Variants in TBC1D31 observed in about 807,000 individuals in gnomAD.
TBC1D31 encodes the protein WD repeat domain 67.
TBC1D31 carries 99 observed loss-of-function variants against 132.9 expected under a neutral mutation model. The observed-to-expected ratio is 0.74, with a 90% CI of 0.63 to 0.88. The LOEUF (loss-of-function observed/expected upper bound fraction) is 0.88. Ranked by LOEUF, TBC1D31 falls within the 40% of genes least tolerant of loss-of-function variation. The probability of loss-of-function intolerance (pLI) is 0.00; values close to 1 mark genes in which losing one functional copy is unlikely to be tolerated. For synonymous variants in TBC1D31, 385 were observed against 419.4 expected (o/e 0.92, Z 1.00); for missense variants, 1,134 against 1,256.6 (o/e 0.90, Z 1.48).
At chr8:123,153,240 G>A (rs553221138), downstream of TBC1D31, among the ~76,000 whole-genome samples, 136 of 152,186 alleles carry the variant, frequency 8.9e-4, no homozygotes, top group South Asian at 0.019. Context: ...CCTGCTCACC[G>A]GAAAGCATTG....
At chr8:123,090,211 A>G (rs1373377088) in intron 4 of TBC1D31, among the ~76,000 whole-genome samples, 3 of 152,236 alleles carry the variant, frequency 2.0e-5, no homozygotes, top group Admixed American at 6.5e-5. Flanking sequence ...CCCATTTTAC[A>G]AGAAGGGAAA....
chr8:123,110,284 G>A (rs532107938), intron 10 of TBC1D31, among the ~76,000 whole-genome samples: 1 of 152,276 alleles, frequency 6.6e-6, no homozygotes, highest in East Asian at 1.9e-4. Flanking sequence ...AAAGTTAGAT[G>A]AGAATCTCTT....
chr8:123,123,183 A>G (rs1036351074), intron 11 of TBC1D31: 4 of 152,312 alleles, frequency 2.6e-5, no homozygotes, highest in African/African-American at 7.2e-5. Context: ...CAGGAGAAGC[A>G]TAAGAAGCAC....
chr8:123,128,557 G>A, intron 14 of TBC1D31, 44 bp downstream of exon 14: 1 of 1,370,614 alleles, frequency 7.3e-7, no homozygotes, highest in Non-Finnish European at 1.0e-6. Context: ...AATGAAATAT[G>A]TTATAAACAT....
Position 123,151,889 on chromosome 8 carries a change from A to T in TBC1D31, c.3151A>T (p.Thr1051Ser), listed in dbSNP as rs1193970366. The change falls in exon 22 of 22, where the codon ACT becomes TCT. Residue 1051 changes from threonine (T) to serine (S), a missense_variant. By Grantham distance (58) the Thr-to-Ser change is moderately conservative (BLOSUM62 1). Coordinates refer to ENST00000287380, the MANE Select transcript of TBC1D31 (RefSeq NM_145647.4). Reference protein sequence around the residue: ...KKVRNLRQRLTARARHRCQTP... With the variant: ...KKVRNLRQRLSARARHRCQTP... ...AGTGAGAAATCTTCGCCAGAGACTC[A>T]CTGCCCGGGCTCGTCACAGATGTCA... 1 of 1,592,336 alleles carries T rather than the reference A, an allele frequency of 6.3e-7. No individual in the cohort carries two copies.
chr8:123,077,975 G>A (rs2130629535), intron 2 of TBC1D31, among the ~76,000 whole-genome samples: 1 of 152,016 alleles, frequency 6.6e-6, no homozygotes, highest in South Asian at 2.1e-4. Context: ...TTGAACCCAG[G>A]AGGTGGAGGT....
At chr8:123,101,902 A>G (rs1170814814) in intron 7 of TBC1D31, among the ~76,000 whole-genome samples, 1 of 152,144 alleles carries the variant, frequency 6.6e-6, no homozygotes, top group Non-Finnish European at 1.5e-5. Flanking sequence ...ATCATTTCTT[A>G]ACTAGTGCTA....
Position 123,109,408 on chromosome 8 carries a change from A to G in TBC1D31, c.1289+12A>G. On this transcript the variant is annotated intron_variant, in intron 9 of 21. Coordinates refer to ENST00000287380, the MANE Select transcript of TBC1D31 (RefSeq NM_145647.4). ...CCAACAAAATACAGGTACAATTTAA[A>G]TTCTGTATGTTACATCAGTTTTACT... The G allele has an allele frequency of 6.2e-7, 1 of 1,608,342 alleles. No individual in the cohort carries two copies.
chr8:123,130,978 G>A (rs1336127045), intron 16 of TBC1D31, among the ~76,000 whole-genome samples: 3 of 151,982 alleles, frequency 2.0e-5, no homozygotes, highest in Admixed American at 2.0e-4. Flanking sequence ...TCTGTGGCCA[G>A]TATAAAAATA....
At chr8:123,111,903 G>A (rs1273478359) in intron 10 of TBC1D31, among the ~76,000 whole-genome samples, 1 of 152,056 alleles carries the variant, frequency 6.6e-6, no homozygotes, top group Non-Finnish European at 1.5e-5. Context: ...ACCCAGGCTG[G>A]AGTACAATGG....
At chr8:123,142,000 A>G (rs1821750760) in intron 18 of TBC1D31, among the ~76,000 whole-genome samples, 1 of 151,876 alleles carries the variant, frequency 6.6e-6, no homozygotes, top group Non-Finnish European at 1.5e-5. Context: ...AGCTGTGACT[A>G]CAGGCGCGCG....
At chr8:123,148,867 C>T (rs968489302) in intron 20 of TBC1D31, among the ~76,000 whole-genome samples, 13 of 152,018 alleles carry the variant, frequency 8.6e-5, no homozygotes, top group African/African-American at 3.1e-4. Flanking sequence ...ACCAACCTGG[C>T]CAACATGGTG....
At chr8:123,157,468 G>A in the TBC1D31 span, among the ~76,000 whole-genome samples, 1 of 152,126 alleles carries the variant, frequency 6.6e-6, no homozygotes, top group East Asian at 1.9e-4. Context: ...AAACACTGTG[G>A]CTGGCTTGTC....
At chr8:123,076,212 C>T (rs1008249209) in intron 1 of TBC1D31, among the ~76,000 whole-genome samples, 2 of 152,108 alleles carry the variant, frequency 1.3e-5, no homozygotes, top group Non-Finnish European at 2.9e-5. Flanking sequence ...GTGATAATGC[C>T]ACCTCAGACT....
chr8:123,135,160 G>A (rs1406112776), intron 17 of TBC1D31, among the ~76,000 whole-genome samples: 1 of 152,158 alleles, frequency 6.6e-6, no homozygotes, highest in Non-Finnish European at 1.5e-5. Context: ...TCGGCCTCCC[G>A]AAGTGCTAGG....
At chr8:123,080,274 G>T (rs1056770012) in intron 2 of TBC1D31, among the ~76,000 whole-genome samples, 4 of 152,154 alleles carry the variant, frequency 2.6e-5, no homozygotes, top group Admixed American at 6.5e-5. Context: ...TTAGAGAAGT[G>T]ACAAGACAAA....
intron 7 of TBC1D31, chr8:123,102,110 TTCTC>T (rs1817483331): frequency 3.0e-6 from 1 of 331,190 alleles, no homozygotes; most frequent in African/African-American, 2.2e-5. Context: ...CATGCCTCAC[TTCTC>T]TTCTCTGGTT....
chr8:123,103,676 C>A (rs1411878985), intron 7 of TBC1D31: 2 of 152,322 alleles, frequency 1.3e-5, no homozygotes, highest in Non-Finnish European at 2.9e-5. Flanking sequence ...CCCGCCTTGG[C>A]CTCCCAAAGT....
chr8:123,077,515 A>T (rs1814655713), intron 2 of TBC1D31, among the ~76,000 whole-genome samples: 1 of 151,108 alleles, frequency 6.6e-6, no homozygotes, highest in Non-Finnish European at 1.5e-5. Context: ...TCTTAAATTT[A>T]AAAATTTATT....
Sources: allele counts gnomAD v4.1 joint callset (sites outside exome capture counted in the v4.1 genomes callset), GRCh38; gene constraint gnomAD v4.1.1; transcripts MANE v1.5; gene names NCBI Gene and HGNC (gene_info 2026-07-23, HGNC 2026-07-21).